ATG4B: variants seen among roughly 807,000 people sequenced by gnomAD.
ATG4B encodes autophagy related 4B cysteine peptidase.
ATG4B carries 29 observed loss-of-function variants against 56.6 expected under a neutral mutation model. That is an observed-to-expected ratio of 0.51 (90% CI 0.38 to 0.70). ATG4B has a LOEUF of 0.70. ATG4B is among the 30% of genes least tolerant of loss of function. The probability of loss-of-function intolerance (pLI) is 0.00; values close to 1 mark genes in which losing one functional copy is unlikely to be tolerated. For missense variants in ATG4B, 461 were observed against 515.5 expected (o/e 0.89, Z 1.02); for synonymous variants, 224 against 206.1 (o/e 1.09, Z -0.74).
chr2:241,646,768 C>T (rs959306692), intron 1 of ATG4B, among the ~76,000 whole-genome samples: 2 of 144,772 alleles, frequency 1.4e-5, no homozygotes, highest in Non-Finnish European at 3.0e-5. Context: ...AGGTAGATTA[C>T]GTGTATTCAA....
chr2:241,638,142 C>G, intron 1 of ATG4B: 1 of 157,364 alleles, frequency 6.4e-6, no homozygotes. Flanking sequence ...CTTTCCGCAG[C>G]TGAGCGTGAA....
intron 1 of ATG4B, among the ~76,000 whole-genome samples, chr2:241,642,453 AAAG>A (rs1486871565): frequency 2.0e-5 from 3 of 152,246 alleles, no homozygotes; most frequent in African/African-American, 7.2e-5. Context: ...TTCTAAAGGA[AAAG>A]AAGAACCTTT....
chr2:241,656,958 G>GC (rs1325692222), intron 6 of ATG4B, among the ~76,000 whole-genome samples: 1 of 152,054 alleles, frequency 6.6e-6, no homozygotes, highest in Non-Finnish European at 1.5e-5. Context: ...ACCGTGCCTG[G>GC]CCAGGACTCC....
intron 1 of ATG4B, among the ~76,000 whole-genome samples, chr2:241,643,694 T>TCCCCCCCCCCCC (rs200143016): frequency 1.6e-5 from 2 of 121,894 alleles, no homozygotes; most frequent in African/African-American, 7.0e-5. Flanking sequence ...GTATATATTT[T>TCCCCCCCCCCCC]CCCCCCCCCC....
At chr2:241,644,052 A>G (rs532035241) in intron 1 of ATG4B, among the ~76,000 whole-genome samples, 11 of 152,026 alleles carry the variant, frequency 7.2e-5, no homozygotes, top group African/African-American at 2.4e-4. Context: ...CATACATCTG[A>G]GAGTCAGTGA....
At chr2:241,659,083 A>G (rs2068507512) in intron 6 of ATG4B, 25 bp from the exon 7 acceptor site, 1 of 1,559,566 alleles carries the variant, frequency 6.4e-7, no homozygotes, top group Non-Finnish European at 8.7e-7. Flanking sequence ...ACAAAAGCTT[A>G]TGGTCATTCT....
At chr2:241,649,784 C>CTTT (rs111624909) in intron 1 of ATG4B, among the ~76,000 whole-genome samples, 103 of 137,500 alleles carry the variant, frequency 7.5e-4, no homozygotes, top group African/African-American at 2.5e-3. Flanking sequence ...TTTTCTTTTT[C>CTTT]TTTTTTTTTT....
intron 6 of ATG4B, among the ~76,000 whole-genome samples, chr2:241,657,158 G>GT (rs1283205281): frequency 1.4e-5 from 2 of 147,202 alleles, no homozygotes; most frequent in Middle Eastern, 3.6e-3. Flanking sequence ...TCAATTTTTA[G>GT]TAGAGATGGG....
At chr2:241,641,948 C>T (rs2067902237) in intron 1 of ATG4B, among the ~76,000 whole-genome samples, 1 of 152,100 alleles carries the variant, frequency 6.6e-6, no homozygotes, top group Admixed American at 6.6e-5. Flanking sequence ...CTTAAATAGC[C>T]ACACTGCCCA....
chr2:241,650,974 A>G, intron 1 of ATG4B, 36 bp from the exon 2 acceptor site: 1 of 1,537,226 alleles, frequency 6.5e-7, no homozygotes, highest in Non-Finnish European at 9.0e-7. Context: ...ATGAAATTAT[A>G]AGTGTCTGAT....
chr2:241,644,430 C>T (rs943552489), intron 1 of ATG4B, among the ~76,000 whole-genome samples: 5 of 152,182 alleles, frequency 3.3e-5, no homozygotes, highest in Non-Finnish European at 5.9e-5. Context: ...GTTTTGCACC[C>T]ATTGTGGGTT....
At chr2:241,667,477 G>A (rs557031868) in intron 8 of ATG4B, among the ~76,000 whole-genome samples, 7 of 151,786 alleles carry the variant, frequency 4.6e-5, no homozygotes, top group African/African-American at 7.2e-5. Context: ...GGTGGTGCGC[G>A]CCTGTAGTCC....
chr2:241,667,883 C>T (rs1391643824), intron 8 of ATG4B: 3 of 467,526 alleles, frequency 6.4e-6, no homozygotes, highest in East Asian at 3.7e-5. Context: ...TCCTGCCAGG[C>T]CCCCTCACTC....
chr2:241,639,595 G>A (rs2067823844), intron 1 of ATG4B, among the ~76,000 whole-genome samples: 1 of 152,218 alleles, frequency 6.6e-6, no homozygotes, highest in African/African-American at 2.4e-5. Flanking sequence ...CGAAGGGTGA[G>A]GAGGGTGGAG....
chr2:241,660,326 C>A (rs2068552787), intron 7 of ATG4B, among the ~76,000 whole-genome samples: 2 of 152,234 alleles, frequency 1.3e-5, no homozygotes, highest in African/African-American at 4.8e-5. Flanking sequence ...AGACACGCCC[C>A]TTCCCTGCCT....
chr2:241,645,258 CTT>C lies in ATG4B; in HGVS notation c.11-5749_11-5748del, dbSNP rs539785671. 8.5e-3 allele frequency among the ~76,000 whole-genome samples: 1,297 copies of C among 152,292 alleles called. 9 individuals are homozygous for C. The highest frequency in any genetic ancestry group is 0.029 in the African/African-American group (1,218 of 41,556). On this transcript the variant is annotated intron_variant, in intron 1 of 12. Transcript: ENST00000404914. ...GCGAGTCTGAGAGTCTTTATTGGCT[CTT>C]TTGTAGGAATCGCTGCAGGTCTCTT... is the stretch of plus-strand genomic sequence containing the variant.
chr2:241,659,389 G>A (rs770841759), intron 7 of ATG4B: 14 of 660,368 alleles, frequency 2.1e-5, no homozygotes, highest in South Asian at 2.0e-4. Context: ...AGAGAGGAGA[G>A]CCCAGGCTGT....
intron 12 of ATG4B, 40 bp downstream of exon 12, chr2:241,671,445 C>A (rs373568920): frequency 6.2e-7 from 1 of 1,607,058 alleles, no homozygotes; most frequent in South Asian, 1.1e-5. Context: ...CTCGGAGGTA[C>A]GATCTGTGCC....
At chr2:241,639,358 TG>T (rs2067811342) in intron 1 of ATG4B, among the ~76,000 whole-genome samples, 2 of 152,210 alleles carry the variant, frequency 1.3e-5, no homozygotes, top group Admixed American at 6.5e-5. Flanking sequence ...TCAGCAGCCC[TG>T]TTACTCCCAT....
Sources: gnomAD v4.1 joint callset for allele counts (sites outside exome capture counted in the v4.1 genomes callset) on GRCh38, gnomAD v4.1.1 for gene constraint, MANE v1.5 for transcripts, NCBI Gene and HGNC (gene_info 2026-07-23, HGNC 2026-07-21) for gene names.